The following UNC13C variants were observed in gnomAD, a reference collection of about 807,000 sequenced individuals.
The protein encoded by UNC13C is unc-13 homolog C.
Under a neutral mutation model 245.4 loss-of-function variants are expected in UNC13C, and 174 were observed. The observed-to-expected ratio is 0.71, with a 90% CI of 0.63 to 0.80. The LOEUF (loss-of-function observed/expected upper bound fraction) is 0.80. UNC13C is among the 30% of genes least tolerant of loss of function. The pLI is 0.00. For synonymous variants in UNC13C, 992 were observed against 895.1 expected, an observed-to-expected ratio of 1.11 and a Z score of -1.93; for missense variants, 2,829 against 2,602.9, an observed-to-expected ratio of 1.09 and a Z score of -1.89.
chr15:54,521,188 T>C (rs1895200993), intron 24 of UNC13C, among the ~76,000 whole-genome samples: 1 of 152,140 alleles, frequency 6.6e-6, no homozygotes, highest in Non-Finnish European at 1.5e-5. Context: ...TGCAAAAATA[T>C]TGGAGAGTAT....
the UNC13C span, among the ~76,000 whole-genome samples, chr15:53,897,892 C>T: frequency 6.6e-6 from 1 of 152,162 alleles, no homozygotes; most frequent in Non-Finnish European, 1.5e-5. Flanking sequence ...TTCTGTCTAA[C>T]CCCTACTAAA....
At chr15:54,247,621 T>C (rs1436166665) in intron 7 of UNC13C, among the ~76,000 whole-genome samples, 2 of 152,102 alleles carry the variant, frequency 1.3e-5, no homozygotes, top group African/African-American at 4.8e-5. Context: ...AATGATGAGA[T>C]CTTATTAAAG....
intron 26 of UNC13C, among the ~76,000 whole-genome samples, chr15:54,540,045 C>T (rs921865825): frequency 6.6e-6 from 1 of 152,090 alleles, no homozygotes; most frequent in Admixed American, 6.6e-5. Flanking sequence ...TTGCAGAAAT[C>T]CTCAGGGCTA....
the UNC13C span, chr15:53,914,419 A>G: frequency 6.6e-6 from 1 of 152,192 alleles, no homozygotes; most frequent in Non-Finnish European, 1.5e-5. Flanking sequence ...TCAGCTCAAC[A>G]TGGCTTGACA....
At chr15:53,935,937 C>T in the UNC13C span, among the ~76,000 whole-genome samples, 12 of 152,266 alleles carry the variant, frequency 7.9e-5, no homozygotes, top group Middle Eastern at 3.4e-3. Flanking sequence ...GGAGTTGTTA[C>T]GCATATTCTA....
At chr15:54,415,503 CACTCTGAATAAGT>C (rs2040500370) in intron 19 of UNC13C, among the ~76,000 whole-genome samples, 1 of 152,272 alleles carries the variant, frequency 6.6e-6, no homozygotes, top group African/African-American at 2.4e-5. Flanking sequence ...CCCGAAACTC[CACTCTGAATAAGT>C]ACAAATCATT....
At chr15:53,860,755 A>T in the UNC13C span, among the ~76,000 whole-genome samples, 5 of 152,170 alleles carry the variant, frequency 3.3e-5, no homozygotes, top group African/African-American at 1.2e-4. Flanking sequence ...ACAGTCTTAC[A>T]TTGTCTTCCA....
intron 25 of UNC13C, among the ~76,000 whole-genome samples, chr15:54,526,374 A>T (rs1177424208): frequency 6.6e-6 from 1 of 152,228 alleles, no homozygotes; most frequent in African/African-American, 2.4e-5. Flanking sequence ...TGCTTTAAAT[A>T]TTAGTTAAAT....
chr15:54,606,316 A>G (rs889208126), intron 30 of UNC13C, among the ~76,000 whole-genome samples: 1 of 152,218 alleles, frequency 6.6e-6, no homozygotes, highest in African/African-American at 2.4e-5. Flanking sequence ...GCTTTGCAAG[A>G]TTTCACAAAA....
rs12917552 is a variant in UNC13C at position 54,478,421 on chromosome 15, A to G, written c.4934-16187A>G. The stretch of plus-strand genomic sequence containing the variant: ...TGATATTAGGGTGTCAATTTTGGAT[A>G]TTTCCTGCTTTCTCTTGTGGGCATT... On this transcript the variant is annotated intron_variant, in intron 19 of 32. Transcript: ENST00000260323. Among the ~76,000 whole-genome samples the G allele has an allele frequency of 7.2e-5, 7 of 96,758 alleles. 1 individual carries two copies. Among genetic ancestry groups the G allele is most frequent in the Non-Finnish European group, 8.8e-5 (4 of 45,512 alleles). 63.5% of individuals were successfully genotyped at this position (96,758 alleles called of 152,430 possible).
intron 30 of UNC13C, among the ~76,000 whole-genome samples, chr15:54,569,154 T>C (rs1437668650): frequency 6.6e-6 from 1 of 151,584 alleles, no homozygotes; most frequent in Non-Finnish European, 1.5e-5. Flanking sequence ...AAGAAATGAG[T>C]ATATAAAACT....
intron 4 of UNC13C, among the ~76,000 whole-genome samples, chr15:54,160,500 T>G (rs897048232): frequency 6.6e-6 from 1 of 151,718 alleles, no homozygotes; most frequent in Non-Finnish European, 1.5e-5. Flanking sequence ...ACTTATGTTC[T>G]GAAAAAACTA....
chr15:54,594,799 T>A (rs1191527152), intron 30 of UNC13C, among the ~76,000 whole-genome samples: 2 of 152,152 alleles, frequency 1.3e-5, no homozygotes, highest in Admixed American at 1.3e-4. Flanking sequence ...CGGGAAAGGA[T>A]GTTGGGGAAA....
chr15:53,882,725 C>T, the UNC13C span, among the ~76,000 whole-genome samples: 1 of 152,098 alleles, frequency 6.6e-6, no homozygotes, highest in African/African-American at 2.4e-5. Context: ...CCAGTGTATT[C>T]TTGGGTTCTT....
intron 17 of UNC13C, among the ~76,000 whole-genome samples, chr15:54,352,995 G>C (rs1199057292): frequency 6.6e-6 from 1 of 152,122 alleles, no homozygotes; most frequent in Non-Finnish European, 1.5e-5. Context: ...TGGCCAAGAG[G>C]AAGCATTCAA....
chr15:54,461,273 A>G (rs983914742), intron 19 of UNC13C, among the ~76,000 whole-genome samples: 10 of 152,190 alleles, frequency 6.6e-5, no homozygotes, highest in African/African-American at 2.4e-4. Context: ...CATGACACTC[A>G]AGGGAAATGC....
intron 19 of UNC13C, among the ~76,000 whole-genome samples, chr15:54,422,094 C>G (rs562727130): frequency 6.6e-6 from 1 of 152,018 alleles, no homozygotes; most frequent in South Asian, 2.1e-4. Context: ...CTATTCCTCT[C>G]TTGGTCTTTT....
the UNC13C span, among the ~76,000 whole-genome samples, chr15:53,946,616 G>T: frequency 2.6e-5 from 4 of 151,240 alleles, no homozygotes; most frequent in African/African-American, 7.3e-5. Context: ...AGCTACTCAG[G>T]AGGCTGAGGC....
intron 2 of UNC13C, among the ~76,000 whole-genome samples, chr15:54,019,575 G>A (rs1177523674): frequency 3.3e-5 from 5 of 152,138 alleles, no homozygotes; most frequent in Non-Finnish European, 4.4e-5. Context: ...AGAACCTGAC[G>A]TCAGTTTGAA....
Sources: gnomAD v4.1 joint callset for allele counts (sites outside exome capture counted in the v4.1 genomes callset) on GRCh38, gnomAD v4.1.1 for gene constraint, MANE v1.5 for transcripts, NCBI Gene and HGNC (gene_info 2026-07-23, HGNC 2026-07-21) for gene names.